The following PLAC8L1 variants were observed in gnomAD, a reference collection of about 807,000 sequenced individuals.
The protein encoded by PLAC8L1 is PLAC8-like protein 1.
In PLAC8L1, 13 loss-of-function variants were observed where a neutral mutation model predicts 16.3. That is an observed-to-expected ratio of 0.80 (90% CI 0.52 to 1.27). The LOEUF (loss-of-function observed/expected upper bound fraction) is 1.27. Among genes scored for constraint, PLAC8L1 ranks in the 50% most tolerant of loss-of-function variants. The pLI, the probability that PLAC8L1 is intolerant of heterozygous loss-of-function variation, is 0.00. For missense variants in PLAC8L1, 184 were observed against 220.2 expected, an observed-to-expected ratio of 0.84 and a Z score of 1.04; for synonymous variants, 78 against 79.3, an observed-to-expected ratio of 0.98 and a Z score of 0.09.
intron 2 of PLAC8L1, among the ~76,000 whole-genome samples, chr5:146,085,970 T>A (rs1405783231): frequency 6.6e-6 from 1 of 151,676 alleles, no homozygotes; most frequent in East Asian, 1.9e-4. Flanking sequence ...AAACATGGTA[T>A]ACAGGATATT....
chr5:146,090,534 A>AAAAACAAAAC (rs71581853), intron 2 of PLAC8L1, among the ~76,000 whole-genome samples: 1,653 of 149,776 alleles, frequency 0.011, 23 homozygotes, highest in African/African-American at 0.022. Context: ...GACCGTCTCA[A>AAAAACAAAAC]AAAACAAAAC....
intron 2 of PLAC8L1, among the ~76,000 whole-genome samples, chr5:146,089,485 A>T (rs1763574895): frequency 6.6e-6 from 1 of 152,202 alleles, no homozygotes; most frequent in African/African-American, 2.4e-5. Context: ...AGATGAGGAT[A>T]CTGAGGCCCA....
At chr5:146,087,577 G>A (rs1763537601) in intron 2 of PLAC8L1, among the ~76,000 whole-genome samples, 1 of 152,106 alleles carries the variant, frequency 6.6e-6, no homozygotes, top group African/African-American at 2.4e-5. Flanking sequence ...GGGGTGCGGT[G>A]GCACGATCAT....
chr5:146,101,448 G>A (rs1378846035), intron 1 of PLAC8L1, among the ~76,000 whole-genome samples: 1 of 152,140 alleles, frequency 6.6e-6, no homozygotes, highest in Non-Finnish European at 1.5e-5. Flanking sequence ...AGACATCTTT[G>A]CTGATTTGAA....
chr5:146,085,644 A>G, intron 2 of PLAC8L1, 47 bp from the exon 3 acceptor site: 1 of 1,575,346 alleles, frequency 6.3e-7, no homozygotes, highest in Non-Finnish European at 8.6e-7. Flanking sequence ...GATTTCTTGG[A>G]GCAACTTCAC....
chr5:146,104,450 C>T lies in PLAC8L1; in HGVS notation c.-139G>A. ...AATATTCTGGAACCTGAGGTCATAG[C>T]AGTGTAACTAACAGACATCTTTTTT... On this transcript the variant is annotated 5_prime_UTR_variant, in exon 1 of 4. Transcript: ENST00000311450. 1 of 716,392 alleles carries T rather than the reference C, an allele frequency of 1.4e-6. No individual in the cohort carries two copies. The highest frequency in any genetic ancestry group is 1.5e-5 in the South Asian group (1 of 65,168). The allele number at this position is 716,392 out of a possible 1,614,324, so 44.4% of individuals were successfully genotyped here.
Position 146,097,372 on chromosome 5 carries a change from T to C in PLAC8L1, c.256+784A>G, listed in dbSNP as rs537682360. Among the ~76,000 whole-genome samples, 4 of 152,312 alleles carry C rather than the reference T, an allele frequency of 2.6e-5. No homozygotes were observed. The South Asian group carries it at 8.3e-4, about 32-fold the overall frequency. Reference sequence around the variant, plus strand: ...GGGAGTTTCTTTTTGTGATTGTTCTTGTTGATAGGAGTACTACATATTCTT... The same window carrying C: ...GGGAGTTTCTTTTTGTGATTGTTCTCGTTGATAGGAGTACTACATATTCTT... On this transcript the variant is annotated intron_variant, in intron 2 of 3. Coordinates refer to ENST00000311450, the MANE Select transcript of PLAC8L1 (RefSeq NM_001029869.3).
At chr5:146,099,810 T>C (rs1350235548) in intron 1 of PLAC8L1, among the ~76,000 whole-genome samples, 1 of 152,148 alleles carries the variant, frequency 6.6e-6, no homozygotes. Flanking sequence ...TGGAGCCCAT[T>C]ACCTCTGATT....
At chr5:146,103,638 G>C (rs1651081601) in intron 1 of PLAC8L1, 1 of 982,918 alleles carries the variant, frequency 1.0e-6, no homozygotes, top group Admixed American at 6.2e-5. Context: ...TTTAACTCAG[G>C]AGGCAGGAGG....
At chr5:146,087,122 G>A (rs1763530736) in intron 2 of PLAC8L1, among the ~76,000 whole-genome samples, 1 of 152,090 alleles carries the variant, frequency 6.6e-6, no homozygotes, top group African/African-American at 2.4e-5. Context: ...TCATATTAAT[G>A]AAATCATGTT....
intron 1 of PLAC8L1, among the ~76,000 whole-genome samples, chr5:146,102,506 G>T (rs984605080): frequency 6.6e-6 from 1 of 152,008 alleles, no homozygotes; most frequent in African/African-American, 2.4e-5. Context: ...GATTATTCAG[G>T]GGCTGCTACA....
intron 2 of PLAC8L1, among the ~76,000 whole-genome samples, chr5:146,092,900 T>C (rs1763645393): frequency 1.3e-5 from 2 of 150,484 alleles, no homozygotes; most frequent in African/African-American, 2.5e-5. Context: ...CCTAGGTATG[T>C]TTTTTTTTCC....
intron 2 of PLAC8L1, among the ~76,000 whole-genome samples, chr5:146,097,767 T>G (rs540171506): frequency 2.0e-5 from 3 of 152,356 alleles, no homozygotes; most frequent in African/African-American, 7.2e-5. Context: ...ATTTATTTCC[T>G]TAAACTCCTA....
chr5:146,093,884 C>A (rs569817245), intron 2 of PLAC8L1, among the ~76,000 whole-genome samples: 1 of 152,172 alleles, frequency 6.6e-6, no homozygotes, highest in Non-Finnish European at 1.5e-5. Flanking sequence ...TTACAATGCT[C>A]GCTACAGGGA....
chr5:146,092,129 A>C (rs890960216), intron 2 of PLAC8L1, among the ~76,000 whole-genome samples: 1 of 152,216 alleles, frequency 6.6e-6, no homozygotes, highest in East Asian at 1.9e-4. Flanking sequence ...CAGAGTGTGG[A>C]GCCCCGAGAT....
At chr5:146,088,119 C>T (rs1196271253) in intron 2 of PLAC8L1, among the ~76,000 whole-genome samples, 2 of 152,168 alleles carry the variant, frequency 1.3e-5, no homozygotes, top group African/African-American at 4.8e-5. Context: ...CAGATCCAAA[C>T]CATATCACCT....
intron 1 of PLAC8L1, chr5:146,099,309 A>T (rs1216884049): frequency 6.6e-6 from 1 of 152,184 alleles, no homozygotes; most frequent in East Asian, 1.9e-4. Context: ...ATGAAGAATT[A>T]AAGAAAGAGC....
chr5:146,084,769 G>C (rs537830190), intron 3 of PLAC8L1, among the ~76,000 whole-genome samples, 197 bp from the exon 4 acceptor site: 1 of 152,356 alleles, frequency 6.6e-6, no homozygotes, highest in East Asian at 1.9e-4. Flanking sequence ...GCGATTCAGA[G>C]CGCTGCCCTT....
intron 2 of PLAC8L1, among the ~76,000 whole-genome samples, chr5:146,094,267 A>T (rs1157163480): frequency 1.3e-5 from 2 of 152,086 alleles, no homozygotes; most frequent in South Asian, 2.1e-4. Context: ...TTTTCAGTAG[A>T]GATGGGGTTT....
Sources: gnomAD v4.1 joint callset for allele counts (sites outside exome capture counted in the v4.1 genomes callset) on GRCh38, gnomAD v4.1.1 for gene constraint, MANE v1.5 for transcripts, NCBI Gene and HGNC (gene_info 2026-07-23, HGNC 2026-07-21) for gene names.